The following KIF7 variants were observed in gnomAD, a reference collection of about 807,000 sequenced individuals.
KIF7 encodes the protein kinesin-like protein KIF7.
A neutral mutation model predicts 135.7 loss-of-function variants in KIF7; 104 were observed. The observed-to-expected ratio is 0.77, with a 90% CI of 0.65 to 0.90. KIF7 has a LOEUF of 0.90. Ranked by LOEUF, KIF7 falls within the 40% of genes least tolerant of loss-of-function variation. The pLI, the probability that KIF7 is intolerant of heterozygous loss-of-function variation, is 0.00. For synonymous variants in KIF7, 883 were observed against 809.4 expected (o/e 1.09, Z -1.54); for missense variants, 2,005 against 1,839.1 (o/e 1.09, Z -1.65).
chr15:89,617,565 C>G (rs1963354655), intron 2 of KIF7, among the ~76,000 whole-genome samples: 1 of 152,188 alleles, frequency 6.6e-6, no homozygotes, highest in African/African-American at 2.4e-5. Flanking sequence ...CTCTGTCACT[C>G]AGGCTGGAGT....
Position 89,652,653 on chromosome 15 carries a change from T to C in KIF7, c.278A>G (p.Tyr93Cys). 2 of 1,549,104 alleles carry C rather than the reference T, an allele frequency of 1.3e-6. No homozygotes were observed. The highest frequency in any genetic ancestry group is 1.7e-6 in the Non-Finnish European group (2 of 1,144,726). ...TGTCTTCCCTGAGCCCGTCTGACCATAGGCAAAGACAGTGGCATTGAAGCC... is the reference window on the plus strand; with the variant it reads ...TGTCTTCCCTGAGCCCGTCTGACCACAGGCAAAGACAGTGGCATTGAAGCC... ...FEGFNATVFA[Y>C]GQTGSGKTYT... Residue 93 changes from tyrosine to cysteine, a missense_variant, in exon 2 of 19, where the codon TAT becomes TGT. Transcript: ENST00000394412.
chr15:89,630,090 G>T, intron 16 of KIF7, 197 bp downstream of exon 16: 1 of 624,106 alleles, frequency 1.6e-6, no homozygotes, highest in Non-Finnish European at 2.8e-6. Flanking sequence ...AGCAGAAGTG[G>T]GGGGCGGGTA....
rs531515528 is a variant in KIF7 at position 89,641,207 on chromosome 15, G to A, written c.2394+996C>T. ...ATGACCAGGGTCCTCATGACAAGAGGAAGAGATACCAGGGCTACAAGCAGG... is the reference window on the plus strand; with the variant it reads ...ATGACCAGGGTCCTCATGACAAGAGAAAGAGATACCAGGGCTACAAGCAGG... On this transcript the variant is annotated intron_variant, in intron 11 of 18. Transcript: ENST00000394412. Among the ~76,000 whole-genome samples, 3 of 152,104 alleles carry A rather than the reference G, an allele frequency of 2.0e-5. No individual in the cohort carries two copies. The East Asian group carries it at 5.8e-4, about 29-fold the overall frequency.
rs767222111 is a variant in KIF7 at position 89,629,024 on chromosome 15, C to T, written c.3616G>A (p.Glu1206Lys). Reference protein sequence around the residue: ...ELGRYMWINQELKQKLGGVNA... With the variant: ...ELGRYMWINQKLKQKLGGVNA... ...ACACCGCCGAGCTTCTGTTTCAGTT[C>T]CTGGTTTATCCACATGTAACGGCCC... The change falls in exon 18 of 19, where the codon GAA becomes AAA. Residue 1206 changes from glutamate to lysine, a missense_variant. Coordinates refer to ENST00000394412, the MANE Select transcript of KIF7 (RefSeq NM_198525.3). 3 of 1,613,556 alleles carry T rather than the reference C, an allele frequency of 1.9e-6. No individual in the cohort carries two copies. Among genetic ancestry groups the T allele is most frequent in the African/African-American group, 2.7e-5 (2 of 74,710 alleles).
At chr15:89,630,673 G>A in intron 15 of KIF7, 180 bp from the exon 16 acceptor site, 1 of 658,842 alleles carries the variant, frequency 1.5e-6, no homozygotes, top group Non-Finnish European at 2.7e-6. Flanking sequence ...CCAACCCCAG[G>A]GTGAGCTGGG....
In KIF7 at chr15:89,628,638, A is replaced by T; in HGVS notation, c.3813T>A (p.Ala1271=). ...AGCGTTTCCAGGTCAAGGGTAACGG[A>T]GCGTGGACCAAGTCCCGCGTCTCCT... The part of the protein sequence containing the change: ...TREETRDLVH[A]PLPLTWKRSS... The change falls in exon 19 of 19, where the codon GCT becomes GCA. Residue 1271 remains alanine, a synonymous_variant. Transcript: ENST00000394412. 6.2e-7 allele frequency: 1 copy of T among 1,613,154 alleles called. No individual in the cohort carries two copies. The highest frequency in any genetic ancestry group is 8.5e-7 in the Non-Finnish European group (1 of 1,179,954).
intron 11 of KIF7, among the ~76,000 whole-genome samples, chr15:89,641,736 G>A (rs1474968259): frequency 1.3e-5 from 2 of 152,184 alleles, no homozygotes; most frequent in African/African-American, 4.8e-5. Context: ...AGGAGGCGGA[G>A]GTTGCAGTGA....
At chr15:89,661,363 G>A in the KIF7 span, among the ~76,000 whole-genome samples, 1 of 152,124 alleles carries the variant, frequency 6.6e-6, no homozygotes, top group African/African-American at 2.4e-5. Context: ...CAATCATATT[G>A]TATTGGGGTG....
rs749026289 is a variant in KIF7, at chr15:89,649,712, C to T, written c.529+29G>A. The stretch of plus-strand genomic sequence containing the variant: ...GGTGAAGCCCCCCTAAGCCCCTCTC[C>T]GTCAGTGGAGGACCCCAGAGTTCCT... On this transcript the variant is annotated intron_variant, in intron 3 of 18. Transcript: ENST00000394412. 2.3e-5 allele frequency: 35 copies of T among 1,548,480 alleles called. No individual in the cohort carries two copies. In the African/African-American group the frequency reaches 3.0e-4, roughly 13 times the overall value.
chr15:89,627,513 A>G (rs555280881), downstream of KIF7: 3 of 178,006 alleles, frequency 1.7e-5, no homozygotes, highest in South Asian at 4.6e-4. Context: ...CTGTGAAGCC[A>G]TATACGTGAA....
intron 2 of KIF7, among the ~76,000 whole-genome samples, chr15:89,617,715 C>T (rs1163487895): frequency 1.6e-5 from 2 of 126,848 alleles, no homozygotes; most frequent in Non-Finnish European, 3.2e-5. Context: ...TTTTTTGAGA[C>T]AGAGTCTAGC....
At chr15:89,644,881 C>A (rs969661577) in intron 10 of KIF7, 132 bp downstream of exon 10, 1 of 1,179,582 alleles carries the variant, frequency 8.5e-7, no homozygotes, top group Non-Finnish European at 1.2e-6. Flanking sequence ...AGAGGCTGGG[C>A]TGAGTATCAA....
downstream of KIF7, chr15:89,623,729 A>ATTACT: frequency 6.2e-7 from 1 of 1,614,164 alleles, no homozygotes; most frequent in Non-Finnish European, 8.5e-7. Flanking sequence ...AGGCTGCAGA[A>ATTACT]GTCCCCTGCA....
At chr15:89,634,452 G>A (rs1186010102) in intron 11 of KIF7, among the ~76,000 whole-genome samples, 3 of 152,186 alleles carry the variant, frequency 2.0e-5, no homozygotes, top group African/African-American at 2.4e-5. Context: ...GACAGTGGGC[G>A]CAGGTCAGTG....
downstream of KIF7, chr15:89,624,954 G>C: frequency 1.2e-6 from 2 of 1,614,090 alleles, no homozygotes; most frequent in Non-Finnish European, 1.7e-6. Context: ...CATCAGCTTG[G>C]CATTCCACAG....
chr15:89,627,600 G>A (rs746563228), downstream of KIF7: 9 of 155,458 alleles, frequency 5.8e-5, no homozygotes, highest in Admixed American at 1.3e-4. Context: ...TAGTGACTGA[G>A]CACTCAGTAC....
At chr15:89,624,696 G>A, downstream of KIF7, 1 of 1,614,104 alleles carries the variant, frequency 6.2e-7, no homozygotes. Flanking sequence ...GTGACACAGA[G>A]CATGTCACTC....
chr15:89,651,511 G>T (rs893046065), intron 2 of KIF7, among the ~76,000 whole-genome samples: 13 of 152,312 alleles, frequency 8.5e-5, no homozygotes, highest in Non-Finnish European at 1.6e-4. Context: ...TGGGATTACA[G>T]GCGTGAGCCA....
rs557663382 is a variant in KIF7 at position 89,622,205 on chromosome 15, C to G, written c.181-4010G>C. Among the ~76,000 whole-genome samples the G allele has an allele frequency of 2.0e-4, 30 of 152,106 alleles. No individual in the cohort carries two copies. In the South Asian group the frequency reaches 5.8e-3, roughly 29 times the overall value. ...TTCACCATGTTGGCCAGGCTGGTCTCGAACTCCTGACCTCAAGTGATCCAC... is the reference window on the plus strand; with the variant it reads ...TTCACCATGTTGGCCAGGCTGGTCTGGAACTCCTGACCTCAAGTGATCCAC... On this transcript the variant is annotated intron_variant and NMD_transcript_variant, in intron 1 of 2. Transcript: ENST00000558928.
Sources: allele counts gnomAD v4.1 joint callset (sites outside exome capture counted in the v4.1 genomes callset), GRCh38; gene constraint gnomAD v4.1.1; transcripts MANE v1.5; gene names NCBI Gene and HGNC (gene_info 2026-07-23, HGNC 2026-07-21).